Variants in GRIA1 observed in about 807,000 individuals in gnomAD.
The protein encoded by GRIA1 is glutamate receptor 1.
In GRIA1, 31 loss-of-function variants were observed where a neutral mutation model predicts 99.2. The ratio of observed to expected loss-of-function variants is 0.31; its 90% CI spans 0.23 to 0.42. The LOEUF (loss-of-function observed/expected upper bound fraction) is 0.42, where lower values mean the gene tolerates loss of function less well. Among genes scored for constraint, GRIA1 ranks in the 10% least tolerant of loss-of-function variants. The probability of loss-of-function intolerance (pLI) is 1.00; values close to 1 mark genes in which losing one functional copy is unlikely to be tolerated. For synonymous variants in GRIA1, 438 were observed against 432.4 expected, an observed-to-expected ratio of 1.01 and a Z score of -0.16; for missense variants, 782 against 1,157.5, an observed-to-expected ratio of 0.68 and a Z score of 4.71.
In GRIA1 at chr5:153,674,613, G is replaced by A; in HGVS notation, c.813G>A (p.Lys271=). 1.2e-6 allele frequency: 2 copies of A among 1,614,110 alleles called. No homozygotes were observed. Among genetic ancestry groups the A allele is most frequent in the Non-Finnish European group, 1.7e-6 (2 of 1,179,990 alleles). The change falls in exon 6 of 16, where the codon AAG becomes AAA. Residue 271 remains lysine, a synonymous_variant. Coordinates refer to ENST00000285900, the MANE Select transcript of GRIA1 (RefSeq NM_000827.4). Reference sequence around the variant, plus strand: ...CGGCCAAGATCATGCAGCAGTGGAAGAATAGTGATGCTCGAGACCACACAC... The same window carrying A: ...CGGCCAAGATCATGCAGCAGTGGAAAAATAGTGATGCTCGAGACCACACAC... The part of the protein sequence containing the change: ...TIPAKIMQQW[K]NSDARDHTRV...
chr5:153,599,012 G>A (rs1186387417), intron 2 of GRIA1, among the ~76,000 whole-genome samples: 1 of 152,100 alleles, frequency 6.6e-6, no homozygotes, highest in Non-Finnish European at 1.5e-5. Flanking sequence ...CTCCCGAGCA[G>A]CTGGAACTGC....
intron 2 of GRIA1, among the ~76,000 whole-genome samples, chr5:153,595,187 C>T (rs1764319825): frequency 1.3e-5 from 2 of 152,076 alleles, no homozygotes; most frequent in South Asian, 4.1e-4. Context: ...CAAAGATAAG[C>T]ATGTATGTTC....
At chr5:153,540,081 A>C (rs1309479316) in intron 2 of GRIA1, among the ~76,000 whole-genome samples, 1 of 152,204 alleles carries the variant, frequency 6.6e-6, no homozygotes, top group Admixed American at 6.5e-5. Flanking sequence ...TGGCCAAATG[A>C]CAGCTGTGGT....
chr5:153,547,143 G>A (rs1011950922), intron 2 of GRIA1, among the ~76,000 whole-genome samples: 1 of 152,048 alleles, frequency 6.6e-6, no homozygotes, highest in Non-Finnish European at 1.5e-5. Context: ...AATTTGTAAA[G>A]TTTCTTAAAA....
intron 12 of GRIA1, among the ~76,000 whole-genome samples, chr5:153,768,843 A>G (rs2149614934): frequency 6.6e-6 from 1 of 152,356 alleles, no homozygotes; most frequent in East Asian, 1.9e-4. Context: ...AGTCCGTTAC[A>G]TGTATTTAAC....
intron 14 of GRIA1, among the ~76,000 whole-genome samples, chr5:153,801,250 G>T (rs1233824477): frequency 1.3e-5 from 2 of 150,644 alleles, no homozygotes; most frequent in African/African-American, 2.5e-5. Flanking sequence ...TCCACTGGAG[G>T]TGACAGAACT....
chr5:153,681,300 A>G (rs1377327924), intron 7 of GRIA1, among the ~76,000 whole-genome samples: 3 of 152,212 alleles, frequency 2.0e-5, no homozygotes, highest in African/African-American at 4.8e-5. Flanking sequence ...GCCATGATGC[A>G]AAAACCTCCC....
At chr5:153,572,423 A>T (rs1581248834) in intron 2 of GRIA1, among the ~76,000 whole-genome samples, 1 of 152,306 alleles carries the variant, frequency 6.6e-6, no homozygotes, top group South Asian at 2.1e-4. Flanking sequence ...CTGTGCATTC[A>T]TCCTGAAGGA....
At chr5:153,655,932 GC>G in intron 5 of GRIA1, 60 bp downstream of exon 5, 2 of 1,432,906 alleles carry the variant, frequency 1.4e-6, no homozygotes, top group South Asian at 2.3e-5. Context: ...GCCCTACCTT[GC>G]TTCTGTTGTC....
chr5:153,671,589 A>G (rs1184268906), intron 5 of GRIA1, among the ~76,000 whole-genome samples: 1 of 152,210 alleles, frequency 6.6e-6, no homozygotes, highest in Non-Finnish European at 1.5e-5. Flanking sequence ...GGAACACGTT[A>G]AACTCAAAAG....
At chr5:153,711,101 T>C (rs931340555) in intron 11 of GRIA1, among the ~76,000 whole-genome samples, 27 of 152,092 alleles carry the variant, frequency 1.8e-4, no homozygotes, top group African/African-American at 6.3e-4. Context: ...AGGTTTGAGA[T>C]AAGATTGGAG....
At chr5:153,506,298 T>G (rs1234011067) in intron 2 of GRIA1, among the ~76,000 whole-genome samples, 2 of 148,596 alleles carry the variant, frequency 1.3e-5, no homozygotes, top group Non-Finnish European at 3.0e-5. Flanking sequence ...AGTTGTTGCT[T>G]ATTAGGATGG....
intron 5 of GRIA1, among the ~76,000 whole-genome samples, chr5:153,672,644 G>A (rs990269496): frequency 6.6e-6 from 1 of 152,166 alleles, no homozygotes; most frequent in Non-Finnish European, 1.5e-5. Context: ...GAATCATAAA[G>A]TCTATTCTTT....
intron 2 of GRIA1, among the ~76,000 whole-genome samples, chr5:153,553,317 A>C (rs144545758): frequency 5.3e-5 from 8 of 152,354 alleles, no homozygotes; most frequent in Non-Finnish European, 1.0e-4. Context: ...CTCAAAAGAA[A>C]GAATTCGAAT....
rs1401742760 is a variant in GRIA1 at position 153,599,179 on chromosome 5, G to C, written c.221-47749G>C. Among the ~76,000 whole-genome samples, 3 of 152,154 alleles carry C rather than the reference G, an allele frequency of 2.0e-5. No homozygotes were observed. The East Asian group carries it at 5.8e-4, about 29-fold the overall frequency. On this transcript the variant is annotated intron_variant, in intron 2 of 15. Transcript: ENST00000285900. ...TTACAGGCATGAGCCACTGTACCCG[G>C]CCAGGGCTGTTGATTTTATATAATT...
chr5:153,692,149 C>A (rs1757810424), intron 8 of GRIA1, among the ~76,000 whole-genome samples: 1 of 152,174 alleles, frequency 6.6e-6, no homozygotes, highest in African/African-American at 2.4e-5. Flanking sequence ...CTGTGTGCCT[C>A]CTTGTCATTC....
chr5:153,532,855 A>T (rs1207647062), intron 2 of GRIA1, among the ~76,000 whole-genome samples: 1 of 152,206 alleles, frequency 6.6e-6, no homozygotes, highest in Admixed American at 6.5e-5. Flanking sequence ...TAGCTAATAA[A>T]AAATAAATAA....
chr5:153,627,179 T>A (rs1017559316), intron 2 of GRIA1, among the ~76,000 whole-genome samples: 1 of 152,190 alleles, frequency 6.6e-6, no homozygotes, highest in Non-Finnish European at 1.5e-5. Context: ...TAGCCTCAGA[T>A]AACTGCAGCA....
intron 3 of GRIA1, among the ~76,000 whole-genome samples, chr5:153,648,783 C>A (rs1581399048): frequency 6.6e-6 from 1 of 151,756 alleles, no homozygotes; most frequent in African/African-American, 2.4e-5. Flanking sequence ...GACATACATA[C>A]AAAAAATTAA....
Sources: allele counts gnomAD v4.1 joint callset (sites outside exome capture counted in the v4.1 genomes callset), GRCh38; gene constraint gnomAD v4.1.1; transcripts MANE v1.5; gene names NCBI Gene and HGNC (gene_info 2026-07-23, HGNC 2026-07-21).